SYN3: variants seen among roughly 807,000 people sequenced by gnomAD.
SYN3 encodes the protein synapsin-3.
In SYN3, 35 loss-of-function variants were observed where a neutral mutation model predicts 65.8. The observed-to-expected ratio is 0.53, with a 90% CI of 0.41 to 0.70. The LOEUF is 0.70. SYN3 is among the 30% of genes least tolerant of loss of function. The pLI is 0.00. For synonymous variants in SYN3, 270 were observed against 292.9 expected (o/e 0.92, Z 0.80); for missense variants, 680 against 749.0 (o/e 0.91, Z 1.08).
intron 6 of SYN3, among the ~76,000 whole-genome samples, chr22:32,760,682 G>A (rs1386175559): frequency 6.6e-6 from 1 of 152,214 alleles, no homozygotes; most frequent in Non-Finnish European, 1.5e-5. Flanking sequence ...TGAGGGTGGG[G>A]CTCCTCTGTC....
At chr22:32,979,825 A>T (rs2052318968) in intron 3 of SYN3, among the ~76,000 whole-genome samples, 1 of 152,104 alleles carries the variant, frequency 6.6e-6, no homozygotes, top group East Asian at 1.9e-4. Flanking sequence ...AACTGGAGGG[A>T]GTGTAAGTAT....
intron 6 of SYN3, among the ~76,000 whole-genome samples, chr22:32,676,795 G>A (rs1030907839): frequency 1.3e-5 from 2 of 151,076 alleles, no homozygotes; most frequent in East Asian, 1.9e-4. Flanking sequence ...TGCCCACCTC[G>A]GCCTCCCAAA....
At chr22:32,816,945 G>C (rs2047100845) in intron 6 of SYN3, among the ~76,000 whole-genome samples, 1 of 152,100 alleles carries the variant, frequency 6.6e-6, no homozygotes, top group South Asian at 2.1e-4. Flanking sequence ...TTGGAGCCGG[G>C]CACAGCGGCT....
At chr22:32,726,912 C>A (rs1006114359) in intron 6 of SYN3, among the ~76,000 whole-genome samples, 4 of 152,006 alleles carry the variant, frequency 2.6e-5, no homozygotes, top group Non-Finnish European at 5.9e-5. Context: ...AAGACAGAAT[C>A]ATTTGCAGTC....
In SYN3 at chr22:32,766,278, T is replaced by C. The variant is rs186858093; in HGVS notation, c.711+98637A>G. Reference sequence around the variant, plus strand: ...AGCTGTGTATCTGCAGGCTTTCTTCTTCTACTTCTCATGATCACCTAGAAT... The same window carrying C: ...AGCTGTGTATCTGCAGGCTTTCTTCCTCTACTTCTCATGATCACCTAGAAT... On this transcript the variant is annotated intron_variant, in intron 6 of 13. Coordinates refer to ENST00000358763, the MANE Select transcript of SYN3 (RefSeq NM_003490.4). 1.4e-4 allele frequency among the ~76,000 whole-genome samples: 22 copies of C among 152,334 alleles called. No homozygotes were observed. In the East Asian group the frequency reaches 2.9e-3, roughly 20 times the overall value.
chr22:32,536,187 G>A (rs548754414), intron 9 of SYN3, among the ~76,000 whole-genome samples: 1 of 152,344 alleles, frequency 6.6e-6, no homozygotes, highest in South Asian at 2.1e-4. Context: ...AGATGGCCAC[G>A]ACTGTCCCGT....
intron 3 of SYN3, among the ~76,000 whole-genome samples, chr22:32,965,596 A>C (rs2051809897): frequency 6.8e-6 from 1 of 146,360 alleles, no homozygotes; most frequent in East Asian, 2.0e-4. Flanking sequence ...GTGTGTGCGT[A>C]AGAGAGAGAG....
At chr22:32,720,772 T>G (rs568619911) in intron 6 of SYN3, among the ~76,000 whole-genome samples, 68 of 152,302 alleles carry the variant, frequency 4.5e-4, no homozygotes, top group African/African-American at 1.5e-3. Flanking sequence ...GTTATTATTA[T>G]TAGGCATTGC....
intron 6 of SYN3, among the ~76,000 whole-genome samples, chr22:32,856,169 G>A (rs1053222181): frequency 7.2e-5 from 11 of 152,230 alleles, no homozygotes; most frequent in African/African-American, 2.4e-4. Flanking sequence ...GAGATATCAT[G>A]AGAATGCTGG....
At chr22:32,859,130 G>A in intron 6 of SYN3, 2 of 1,599,072 alleles carry the variant, frequency 1.3e-6, no homozygotes, top group East Asian at 2.2e-5. Context: ...CCTCAGGCCT[G>A]GGCATACCAT....
intron 6 of SYN3, among the ~76,000 whole-genome samples, chr22:32,803,102 C>A (rs1173912903): frequency 6.6e-6 from 1 of 152,134 alleles, no homozygotes; most frequent in East Asian, 1.9e-4. Flanking sequence ...ACATCTCTCT[C>A]CTCCTTTCCA....
chr22:32,801,915 G>A lies in SYN3; in HGVS notation c.711+63000C>T. 1 of 1,464,440 alleles carries A rather than the reference G, an allele frequency of 6.8e-7. No homozygotes were observed. The highest frequency in any genetic ancestry group is 9.0e-7 in the Non-Finnish European group (1 of 1,113,296). 90.7% of individuals were successfully genotyped at this position (1,464,440 alleles called of 1,614,324 possible). On this transcript the variant is annotated intron_variant, in intron 6 of 13. Coordinates refer to ENST00000358763, the MANE Select transcript of SYN3 (RefSeq NM_003490.4). This position sits in a 1 kb window ranked among gnomAD's most constrained non-coding sequence, Gnocchi z 4.7. Reference sequence around the variant, plus strand: ...CCCGCACGGCCCGGCGGGCGAGCGAGCTCGGGCTGCAGCAGCCCCGCCGGC... The same window carrying A: ...CCCGCACGGCCCGGCGGGCGAGCGAACTCGGGCTGCAGCAGCCCCGCCGGC...
intron 3 of SYN3, among the ~76,000 whole-genome samples, chr22:32,957,693 A>G (rs1432349411): frequency 6.6e-6 from 1 of 152,198 alleles, no homozygotes; most frequent in Non-Finnish European, 1.5e-5. Flanking sequence ...CTTGGTATGA[A>G]CTGGTCACCC....
intron 12 of SYN3, 45 bp downstream of exon 12, chr22:32,527,873 A>C (rs749556831): frequency 1.3e-6 from 2 of 1,517,716 alleles, no homozygotes; most frequent in South Asian, 2.4e-5. Flanking sequence ...GCATTTCAGC[A>C]CCCTCACTGC....
At chr22:32,848,170 G>A (rs1448287718) in intron 6 of SYN3, among the ~76,000 whole-genome samples, 1 of 152,206 alleles carries the variant, frequency 6.6e-6, no homozygotes, top group Admixed American at 6.5e-5. Flanking sequence ...TAAAAGTCAA[G>A]TCCTCTCCTC....
At chr22:32,824,324 G>C (rs2047340343) in intron 6 of SYN3, among the ~76,000 whole-genome samples, 1 of 148,226 alleles carries the variant, frequency 6.7e-6, no homozygotes, top group South Asian at 2.2e-4. Context: ...CTCCACCTGA[G>C]CCAGCAGTTC....
intron 3 of SYN3, among the ~76,000 whole-genome samples, chr22:32,934,994 C>G (rs990189229): frequency 1.3e-5 from 2 of 152,160 alleles, no homozygotes; most frequent in Admixed American, 6.5e-5. Flanking sequence ...AGGAAGGTCT[C>G]CCCTGGAGCC....
chr22:32,813,280 A>T (rs192653179), intron 6 of SYN3, among the ~76,000 whole-genome samples: 2 of 152,264 alleles, frequency 1.3e-5, no homozygotes, highest in East Asian at 3.9e-4. Context: ...GTGATGATAA[A>T]CAGCATCTGA....
At chr22:32,590,993 C>T (rs942591893) in intron 7 of SYN3, among the ~76,000 whole-genome samples, 5 of 152,152 alleles carry the variant, frequency 3.3e-5, no homozygotes, top group African/African-American at 1.2e-4. Context: ...TCTGGTGTGC[C>T]CACTTGTTTC....
Sources: allele counts gnomAD v4.1 joint callset (sites outside exome capture counted in the v4.1 genomes callset), GRCh38; gene constraint gnomAD v4.1.1; non-coding constraint Gnocchi (gnomAD v3.1); transcripts MANE v1.5; gene names NCBI Gene and HGNC (gene_info 2026-07-23, HGNC 2026-07-21).